The following LRMDA variants were observed in gnomAD, a reference collection of about 807,000 sequenced individuals.
LRMDA encodes the protein leucine-rich melanocyte differentiation-associated protein.
In LRMDA, 18 loss-of-function variants were observed where a neutral mutation model predicts 29.8. The observed-to-expected ratio is 0.60, with a 90% confidence interval of 0.42 to 0.90. The LOEUF is 0.90. Ranked by LOEUF, LRMDA falls within the 40% of genes least tolerant of loss-of-function variation. The pLI is 0.00. For missense variants in LRMDA, 273 were observed against 273.9 expected (o/e 1.00, Z 0.02); for synonymous variants, 125 against 109.4 (o/e 1.14, Z -0.89).
At chr10:75,867,523 C>T (rs1423575856) in intron 2 of LRMDA, among the ~76,000 whole-genome samples, 1 of 152,098 alleles carries the variant, frequency 6.6e-6, no homozygotes, top group African/African-American at 2.4e-5. Context: ...GAGGTTCAAC[C>T]CATGTAGACA....
intron 2 of LRMDA, among the ~76,000 whole-genome samples, chr10:75,999,713 AG>A (rs1847529780): frequency 6.6e-6 from 1 of 152,258 alleles, no homozygotes; most frequent in South Asian, 2.1e-4. Context: ...AATGCACTTT[AG>A]AAATGTACAT....
chr10:76,387,490 C>A, intron 6 of LRMDA, among the ~76,000 whole-genome samples: 1 of 151,878 alleles, frequency 6.6e-6, no homozygotes, highest in Non-Finnish European at 1.5e-5. Flanking sequence ...GTAATCCCAG[C>A]TACTTGGAAG....
intron 5 of LRMDA, among the ~76,000 whole-genome samples, chr10:76,154,399 C>G (rs189570415): frequency 1.3e-5 from 2 of 152,180 alleles, no homozygotes; most frequent in African/African-American, 2.4e-5. Flanking sequence ...ATTAGAGCAT[C>G]TAGACCAAAC....
At chr10:76,474,367 A>C (rs1396641106) in intron 6 of LRMDA, among the ~76,000 whole-genome samples, 1 of 151,620 alleles carries the variant, frequency 6.6e-6, no homozygotes, top group Non-Finnish European at 1.5e-5. Context: ...CAAAAGAAAA[A>C]ATAAGTAAAT....
At chr10:75,770,859 G>T (rs1283338363) in intron 2 of LRMDA, among the ~76,000 whole-genome samples, 1 of 152,180 alleles carries the variant, frequency 6.6e-6, no homozygotes, top group Non-Finnish European at 1.5e-5. Flanking sequence ...GAGAAAGTGA[G>T]TTCTATGGAG....
intron 5 of LRMDA, among the ~76,000 whole-genome samples, chr10:76,178,881 G>A (rs1044405119): frequency 8.5e-5 from 13 of 152,160 alleles, no homozygotes; most frequent in African/African-American, 2.4e-4. Context: ...CTGTGTGATC[G>A]TTTCTGCAGG....
chr10:75,465,926 C>A (rs990670186), intron 2 of LRMDA, among the ~76,000 whole-genome samples: 5 of 152,230 alleles, frequency 3.3e-5, no homozygotes, highest in African/African-American at 1.2e-4. Flanking sequence ...TGCTCACCCC[C>A]TTTTCTGACT....
intron 2 of LRMDA, among the ~76,000 whole-genome samples, chr10:75,561,472 A>C (rs1363114175): frequency 6.6e-6 from 1 of 151,920 alleles, no homozygotes; most frequent in Non-Finnish European, 1.5e-5. Context: ...TGATCCTTTC[A>C]AAAAACCAGC....
chr10:76,058,401 G>T (rs758277789), intron 4 of LRMDA, among the ~76,000 whole-genome samples: 1 of 151,510 alleles, frequency 6.6e-6, no homozygotes, highest in Non-Finnish European at 1.5e-5. Flanking sequence ...GCTAACCCAC[G>T]TGTGTGTGTG....
Position 76,557,190 on chromosome 10 carries a change from T to C in LRMDA, c.602-19T>C. ...GCTAAGTGTGCCACCTGTAATGATG[T>C]GTGTCTTTTTATTTGCAGGTGTCCT... On this transcript the variant is annotated intron_variant, in intron 6 of 6. Transcript: ENST00000611255. The C allele has an allele frequency of 6.2e-7, 1 of 1,601,890 alleles. No homozygotes were observed. The highest frequency in any genetic ancestry group is 8.6e-7 in the Non-Finnish European group (1 of 1,168,976).
At chr10:76,054,348 G>T (rs1329563731) in intron 4 of LRMDA, among the ~76,000 whole-genome samples, 1 of 152,042 alleles carries the variant, frequency 6.6e-6, no homozygotes, top group Non-Finnish European at 1.5e-5. Context: ...TGTGTCATGG[G>T]CTGTCTCTTC....
chr10:76,133,502 C>T (rs1245308443), intron 5 of LRMDA, among the ~76,000 whole-genome samples: 3 of 152,092 alleles, frequency 2.0e-5, no homozygotes, highest in Non-Finnish European at 4.4e-5. Flanking sequence ...TGAATTCAGG[C>T]CCCCGGGTGC....
intron 2 of LRMDA, among the ~76,000 whole-genome samples, chr10:75,739,853 C>T (rs1013252826): frequency 6.6e-6 from 1 of 152,098 alleles, no homozygotes; most frequent in Non-Finnish European, 1.5e-5. Context: ...TAAAGATTTA[C>T]CACTAGATAA....
intron 2 of LRMDA, among the ~76,000 whole-genome samples, chr10:75,580,893 C>T (rs1840580705): frequency 6.6e-6 from 1 of 152,178 alleles, no homozygotes; most frequent in Non-Finnish European, 1.5e-5. Flanking sequence ...TGGATCTCTT[C>T]CTTACACTTT....
chr10:75,673,995 A>G (rs982865662), intron 2 of LRMDA, among the ~76,000 whole-genome samples: 9 of 152,244 alleles, frequency 5.9e-5, no homozygotes, highest in African/African-American at 1.7e-4. Context: ...AGATGATGAA[A>G]AGTCTGGGGA....
intron 6 of LRMDA, among the ~76,000 whole-genome samples, chr10:76,511,295 G>T (rs917354323): frequency 6.6e-6 from 1 of 152,110 alleles, no homozygotes; most frequent in African/African-American, 2.4e-5. Flanking sequence ...CTGGCATTAG[G>T]GCTCCCGTGT....
intron 5 of LRMDA, among the ~76,000 whole-genome samples, chr10:76,133,622 C>G (rs2132139763): frequency 6.6e-6 from 1 of 152,356 alleles, no homozygotes; most frequent in Non-Finnish European, 1.5e-5. Context: ...ATGTTAAATA[C>G]AGATCAGCTG....
At chr10:76,315,498 C>T (rs984980251) in intron 5 of LRMDA, among the ~76,000 whole-genome samples, 2 of 152,224 alleles carry the variant, frequency 1.3e-5, no homozygotes, top group African/African-American at 2.4e-5. Context: ...TGGCCAAGCC[C>T]GAGGGCTGTC....
At chr10:76,001,005 G>A (rs766920966) in intron 2 of LRMDA, among the ~76,000 whole-genome samples, 1 of 152,116 alleles carries the variant, frequency 6.6e-6, no homozygotes, top group East Asian at 1.9e-4. Flanking sequence ...TCTAGGCCCC[G>A]GGGAGGCACC....
Sources: gnomAD v4.1 joint callset for allele counts (sites outside exome capture counted in the v4.1 genomes callset) on GRCh38, gnomAD v4.1.1 for gene constraint, MANE v1.5 for transcripts, NCBI Gene and HGNC (gene_info 2026-07-23, HGNC 2026-07-21) for gene names.